Variants in SPATS1 observed in about 807,000 individuals in gnomAD.
The protein encoded by SPATS1 is spermatogenesis associated serine rich 1.
A neutral mutation model predicts 33.6 loss-of-function variants in SPATS1; 23 were observed. The observed-to-expected ratio is 0.68, with a 90% CI of 0.49 to 0.97. SPATS1 has a LOEUF of 0.97. Ranked by LOEUF, SPATS1 falls within the 50% of genes least tolerant of loss-of-function variation. The pLI is 0.00. For missense variants in SPATS1, 327 were observed against 361.0 expected (o/e 0.91, Z 0.76); for synonymous variants, 131 against 125.6 (o/e 1.04, Z -0.29).
chr6:44,362,030 G>A (rs766279629), intron 5 of SPATS1, 38 bp downstream of exon 5: 8 of 1,613,076 alleles, frequency 5.0e-6, no homozygotes, highest in Middle Eastern at 1.7e-4. Context: ...TGCAGTCCCC[G>A]AAAAACTCTC....
chr6:44,369,908 A>AAAATG, intron 6 of SPATS1, 143 bp from the exon 7 acceptor site: 1 of 432,880 alleles, frequency 2.3e-6, no homozygotes, highest in East Asian at 3.7e-5. Flanking sequence ...AAAATAAAAT[A>AAAATG]AAATCTGCGG....
rs1364278699 is a variant in SPATS1 at position 44,343,171 on chromosome 6, A to G, written c.76A>G (p.Arg26Gly). Residue 26 changes from arginine (R) to glycine (G), a missense_variant, in exon 2 of 9, where the codon AGA (arginine) becomes GGA (glycine). Transcript: ENST00000674044. ...LPSISSTTCG[R>G]QLEKVPEKRD... ...CTCCATCTCAAGCACGACCTGCGGCAGACAGCTGGAGAAGGTTCCAGAAAA... is the reference window on the plus strand; with the variant it reads ...CTCCATCTCAAGCACGACCTGCGGCGGACAGCTGGAGAAGGTTCCAGAAAA... 9.9e-6 allele frequency: 16 copies of G among 1,613,994 alleles called. No individual in the cohort carries two copies. The highest frequency in any genetic ancestry group is 1.4e-5 in the Non-Finnish European group (16 of 1,180,022).
At chr6:44,344,394 T>G (rs1787750234) in intron 2 of SPATS1, among the ~76,000 whole-genome samples, 1 of 145,624 alleles carries the variant, frequency 6.9e-6, no homozygotes, top group Non-Finnish European at 1.5e-5. Flanking sequence ...AAGATACGTG[T>G]GTGTGTGTGT....
intron 2 of SPATS1, among the ~76,000 whole-genome samples, chr6:44,348,221 G>A (rs2153365165): frequency 6.6e-6 from 1 of 152,046 alleles, no homozygotes; most frequent in South Asian, 2.1e-4. Context: ...GTTGGGCCAG[G>A]CAGTCTTGAA....
At chr6:44,347,801 A>G (rs1342275730) in intron 2 of SPATS1, among the ~76,000 whole-genome samples, 1 of 152,056 alleles carries the variant, frequency 6.6e-6, no homozygotes, top group East Asian at 1.9e-4. Flanking sequence ...TATGTTTACT[A>G]TTTTGTTCTA....
At chr6:44,365,147 G>T (rs1422926570) in intron 5 of SPATS1, among the ~76,000 whole-genome samples, 2 of 152,150 alleles carry the variant, frequency 1.3e-5, no homozygotes, top group Non-Finnish European at 2.9e-5. Flanking sequence ...CCAACCAGCT[G>T]CCATTTTAAA....
At chr6:44,369,880 C>CATAAA (rs56810338) in intron 6 of SPATS1, among the ~76,000 whole-genome samples, 171 bp from the exon 7 acceptor site, 111,739 of 147,500 alleles carry the variant, frequency 0.76, 44,247 homozygotes, top group Non-Finnish European at 0.89. Flanking sequence ...TCAAAACATA[C>CATAAA]ATAAAATAAA....
At chr6:44,357,973 C>G (rs1400995141) in intron 3 of SPATS1, among the ~76,000 whole-genome samples, 1 of 152,136 alleles carries the variant, frequency 6.6e-6, no homozygotes. Flanking sequence ...TGTGAAGAAG[C>G]TCATCTGCAA....
At chr6:44,351,659 A>G (rs1284512191) in intron 2 of SPATS1, among the ~76,000 whole-genome samples, 1 of 152,246 alleles carries the variant, frequency 6.6e-6, no homozygotes, top group African/African-American at 2.4e-5. Flanking sequence ...ATTGGCTTTC[A>G]TGAAGTATTA....
chr6:44,352,639 T>A (rs912946475), intron 2 of SPATS1, 87 bp from the exon 3 acceptor site: 1 of 1,270,950 alleles, frequency 7.9e-7, no homozygotes, highest in Non-Finnish European at 1.1e-6. Flanking sequence ...TTAGCTGTTT[T>A]AAAAATTTAT....
chr6:44,361,607 AAAAC>A (rs2153367789), intron 4 of SPATS1: 1 of 906,678 alleles, frequency 1.1e-6, no homozygotes, highest in Non-Finnish European at 1.3e-6. Context: ...AGGGCAAACA[AAAAC>A]AAAGACGGCC....
chr6:44,353,480 G>A (rs569881685), intron 3 of SPATS1, among the ~76,000 whole-genome samples: 2 of 152,110 alleles, frequency 1.3e-5, no homozygotes, highest in African/African-American at 4.8e-5. Flanking sequence ...CAAACTCCTG[G>A]GCTCAAGCAA....
At chr6:44,349,692 G>A (rs1561954503) in intron 2 of SPATS1, among the ~76,000 whole-genome samples, 1 of 152,060 alleles carries the variant, frequency 6.6e-6, no homozygotes, top group Non-Finnish European at 1.5e-5. Flanking sequence ...TGCATTCAAG[G>A]CCCCAGATTT....
rs1241677470 is a variant in SPATS1 at position 44,378,674 on chromosome 6, G to A, written c.*1611G>A. On this transcript the variant is annotated 3_prime_UTR_variant, in exon 9 of 9. Transcript: ENST00000674044. ...TAATCCCTGGTACTCGGGAGGCTGA[G>A]GCAGGAGAATCTCTTGAACCCAGGA... 1 of 152,378 alleles carries A rather than the reference G, an allele frequency of 6.6e-6. No individual in the cohort carries two copies. The highest frequency in any genetic ancestry group is 1.5e-5 in the Non-Finnish European group (1 of 68,218). 9.4% of individuals were successfully genotyped at this position (152,378 alleles called of 1,614,324 possible).
chr6:44,361,478 A>G, intron 4 of SPATS1: 1 of 985,410 alleles, frequency 1.0e-6, no homozygotes. Context: ...TATTTTTCCT[A>G]CACCGTTATC....
intron 5 of SPATS1, among the ~76,000 whole-genome samples, chr6:44,366,155 G>T (rs978146787): frequency 2.8e-5 from 4 of 142,198 alleles, no homozygotes; most frequent in Non-Finnish European, 4.5e-5. Flanking sequence ...ACAGAGTTTC[G>T]CTCTTGTTGC....
chr6:44,356,367 T>C (rs1788588567), intron 3 of SPATS1, among the ~76,000 whole-genome samples: 2 of 152,230 alleles, frequency 1.3e-5, no homozygotes, highest in Non-Finnish European at 2.9e-5. Context: ...TAATACCTTC[T>C]AGATTAGTTA....
At chr6:44,363,226 GC>G (rs2153368128) in intron 5 of SPATS1, among the ~76,000 whole-genome samples, 1 of 151,878 alleles carries the variant, frequency 6.6e-6, no homozygotes, top group Admixed American at 6.6e-5. Context: ...CCGAATGCCA[GC>G]CCCCCAGCCC....
chr6:44,349,859 C>T (rs1476056489), intron 2 of SPATS1, among the ~76,000 whole-genome samples: 1 of 152,098 alleles, frequency 6.6e-6, no homozygotes, highest in Non-Finnish European at 1.5e-5. Context: ...TACTTTTTGG[C>T]TGTCTTTTTA....
Sources: allele counts gnomAD v4.1 joint callset (sites outside exome capture counted in the v4.1 genomes callset), GRCh38; gene constraint gnomAD v4.1.1; transcripts MANE v1.5; gene names NCBI Gene and HGNC (gene_info 2026-07-23, HGNC 2026-07-21).